RND1: variants seen among roughly 807,000 people sequenced by gnomAD.
RND1 encodes rho-related GTP-binding protein Rho6.
In RND1, 9 loss-of-function variants were observed where a neutral mutation model predicts 27.1. The observed-to-expected ratio is 0.33, with a 90% confidence interval of 0.20 to 0.58. RND1 has a LOEUF of 0.58. Ranked by LOEUF, RND1 falls within the 20% of genes least tolerant of loss-of-function variation. The pLI, the probability that RND1 is intolerant of heterozygous loss-of-function variation, is 0.86. For missense variants in RND1, 253 were observed against 292.2 expected, an observed-to-expected ratio of 0.87 and a Z score of 0.98; for synonymous variants, 108 against 115.7, an observed-to-expected ratio of 0.93 and a Z score of 0.43.
chr12:48,861,163 A>G (rs1938914880), intron 3 of RND1, 32 bp from the exon 4 acceptor site: 2 of 1,577,098 alleles, frequency 1.3e-6, no homozygotes, highest in African/African-American at 2.7e-5. Context: ...AGGGTAGGAG[A>G]AGGAGGAAGG....
intron 2 of RND1, 58 bp downstream of exon 2, chr12:48,864,725 G>A: frequency 8.1e-7 from 1 of 1,234,456 alleles, no homozygotes; most frequent in Non-Finnish European, 1.2e-6. Flanking sequence ...CTAAAAGACA[G>A]CAGCTACACA....
chr12:48,861,295 C>T (rs1160849188), intron 3 of RND1, among the ~76,000 whole-genome samples, 164 bp from the exon 4 acceptor site: 1 of 152,216 alleles, frequency 6.6e-6, no homozygotes, highest in Non-Finnish European at 1.5e-5. Context: ...GCACTAATTA[C>T]ATCATTTTCC....
At position 48,862,138 on chromosome 12, in the gene RND1, G is replaced by A. The variant is rs532887722; in HGVS notation, c.209-20C>T. On this transcript the variant is annotated intron_variant, in intron 2 of 4. Transcript: ENST00000309739. ...GAGATCCTGGTGTAGGCCAGAAAGA[G>A]CTGATGGTGAGCCATGGTGTTTTCC... 3 of 1,459,268 alleles carry A rather than the reference G, an allele frequency of 2.1e-6. No homozygotes were observed. Among genetic ancestry groups the A allele is most frequent in the East Asian group, 4.5e-5 (2 of 44,084 alleles). The allele number at this position is 1,459,268 out of a possible 1,614,324, so 90.4% of individuals were successfully genotyped here.
intron 2 of RND1, among the ~76,000 whole-genome samples, chr12:48,864,263 G>T (rs1447613943): frequency 1.3e-5 from 2 of 152,184 alleles, no homozygotes; most frequent in Non-Finnish European, 2.9e-5. Flanking sequence ...TGGAATGCAG[G>T]AGACAAAACT....
intron 1 of RND1, 22 bp downstream of exon 1, chr12:48,865,626 A>AGCGG (rs1565684307): frequency 2.5e-6 from 4 of 1,603,332 alleles, no homozygotes; most frequent in Admixed American, 1.7e-5. Context: ...AAAGCCGGCC[A>AGCGG]GCGGGCGGGC....
At position 48,865,856 on chromosome 12, in the gene RND1, T is replaced by G. The variant is rs373408880; in HGVS notation, c.-89A>C. ...AGCACGCCAATCAAGCCAGATTCCCTGCCTCCCTCCAACTGAGGAGGAGGC... is the reference window on the plus strand; with the variant it reads ...AGCACGCCAATCAAGCCAGATTCCCGGCCTCCCTCCAACTGAGGAGGAGGC... On this transcript the variant is annotated 5_prime_UTR_variant, in exon 1 of 5. Transcript: ENST00000309739. 6 of 1,501,588 alleles carry G rather than the reference T, an allele frequency of 4.0e-6. No individual in the cohort carries two copies. The highest frequency in any genetic ancestry group is 4.4e-6 in the Non-Finnish European group (5 of 1,124,860). The allele number at this position is 1,501,588 out of a possible 1,614,324, so 93.0% of individuals were successfully genotyped here. A position where few individuals can be genotyped will look rare whatever the true frequency, so the allele number is the denominator to read the frequency against.
At position 48,864,092 on chromosome 12, in the gene RND1, T is replaced by A. The variant is rs1938952593; in HGVS notation, c.208+691A>T. Among the ~76,000 whole-genome samples the A allele has an allele frequency of 2.0e-5, 3 of 151,950 alleles. No individual in the cohort carries two copies. In the South Asian group the frequency reaches 6.2e-4, roughly 31 times the overall value. ...AGAGGGAAAACAGTCAGAGCCAACC[T>A]CCCCTCTGCCCTGCCGGCCACTATT... On this transcript the variant is annotated intron_variant, in intron 2 of 4. Transcript: ENST00000309739.
rs576327048 is a variant in RND1, at chr12:48,860,662, A to G, written c.453+335T>C. 7.3e-5 allele frequency among the ~76,000 whole-genome samples: 11 copies of G among 150,692 alleles called. No individual in the cohort carries two copies. The South Asian group carries it at 2.3e-3, about 32-fold the overall frequency. On this transcript the variant is annotated intron_variant, in intron 4 of 4. Coordinates refer to ENST00000309739, the MANE Select transcript of RND1 (RefSeq NM_014470.4). The stretch of plus-strand genomic sequence containing the variant: ...GCTATCCTCCTGCCTCAGCCTCCCA[A>G]AGTTCTGGAATTACAGGCATGAGCC...
At chr12:48,864,520 T>A (rs1374260342) in intron 2 of RND1, among the ~76,000 whole-genome samples, 1 of 151,782 alleles carries the variant, frequency 6.6e-6, no homozygotes, top group Non-Finnish European at 1.5e-5. Flanking sequence ...GGACTATTCA[T>A]GGGTCCCTTC....
At chr12:48,861,386 G>GC (rs1354851548) in intron 3 of RND1, among the ~76,000 whole-genome samples, 2 of 152,166 alleles carry the variant, frequency 1.3e-5, no homozygotes, top group African/African-American at 2.4e-5. Context: ...ACCAGAGAGG[G>GC]CACAAGGGCA....
At chr12:48,860,397 C>CT (rs1381256236) in intron 4 of RND1, among the ~76,000 whole-genome samples, 43 of 150,352 alleles carry the variant, frequency 2.9e-4, no homozygotes, top group South Asian at 1.3e-3. Context: ...TCCTCCTTTT[C>CT]TTTTTTTTTG....
chr12:48,859,697 G>A (rs146941815), intron 4 of RND1, among the ~76,000 whole-genome samples: 342 of 152,218 alleles, frequency 2.2e-3, no homozygotes, highest in African/African-American at 7.5e-3. Flanking sequence ...GAACAACCCC[G>A]GAAACATACT....
intron 3 of RND1, among the ~76,000 whole-genome samples, chr12:48,861,335 T>C (rs1040695614): frequency 2.0e-5 from 3 of 151,976 alleles, no homozygotes; most frequent in East Asian, 1.9e-4. Context: ...GCCCCCAGAG[T>C]GCTGACCCAG....
chr12:48,865,787 C>A lies in RND1; in HGVS notation c.-20G>T. The A allele has an allele frequency of 6.4e-7, 1 of 1,569,344 alleles. No individual in the cohort carries two copies. The highest frequency in any genetic ancestry group is 8.7e-7 in the Non-Finnish European group (1 of 1,151,742). ...CTTCATGGTTGCAGTGTCCGCGGGACTTGAACTTCGATTCAGAAGGGAGGG... is the reference window on the plus strand; with the variant it reads ...CTTCATGGTTGCAGTGTCCGCGGGAATTGAACTTCGATTCAGAAGGGAGGG... On this transcript the variant is annotated 5_prime_UTR_variant, in exon 1 of 5. Transcript: ENST00000309739.
chr12:48,865,428 T>G, intron 1 of RND1: 4 of 573,120 alleles, frequency 7.0e-6, no homozygotes, highest in East Asian at 3.2e-5. Flanking sequence ...GGTGAAGAGG[T>G]GAGGAGGAGC....
chr12:48,865,483 C>T, intron 1 of RND1, 165 bp downstream of exon 1: 1 of 769,794 alleles, frequency 1.3e-6, no homozygotes, highest in Non-Finnish European at 2.2e-6. Context: ...GAAGCTAAGG[C>T]AGGGCAGTCC....
intron 1 of RND1, 140 bp from the exon 2 acceptor site, chr12:48,865,010 G>A (rs958712540): frequency 4.2e-6 from 3 of 714,420 alleles, no homozygotes; most frequent in Admixed American, 2.0e-5. Context: ...GGGGCAGGAG[G>A]GAAGGGACTG....
chr12:48,858,384 C>A, intron 4 of RND1, 143 bp from the exon 5 acceptor site: 135 of 646,284 alleles, frequency 2.1e-4, no homozygotes, highest in Non-Finnish European at 2.7e-4. Context: ...ATTCGATTAT[C>A]TTTTCTTTTT....
At position 48,858,234 on chromosome 12, in the gene RND1, G is replaced by A. The variant is rs1361527680; in HGVS notation, c.461C>T (p.Ala154Val). ...TTCTGCACCCAGCTGCTTTGCTATTGCACAACCCTGCAGGAGGGGGTGAGG... is the reference window on the plus strand; with the variant it reads ...TTCTGCACCCAGCTGCTTTGCTATTACACAACCCTGCAGGAGGGGGTGAGG... ...QAPISYEQGC[A>V]IAKQLGAEIY... is the part of the protein sequence containing the mutation. The change falls in exon 5 of 5, where the codon GCA becomes GTA. Residue 154 changes from alanine (A) to valine (V), a missense_variant. Transcript: ENST00000309739. 1 of 1,613,954 alleles carries A rather than the reference G, an allele frequency of 6.2e-7. No individual in the cohort carries two copies. The highest frequency in any genetic ancestry group is 2.2e-5 in the East Asian group (1 of 44,880).
Sources: gnomAD v4.1 joint callset for allele counts (sites outside exome capture counted in the v4.1 genomes callset) on GRCh38, gnomAD v4.1.1 for gene constraint, MANE v1.5 for transcripts, NCBI Gene and HGNC (gene_info 2026-07-23, HGNC 2026-07-21) for gene names.